PPIL4: variants seen among roughly 807,000 people sequenced by gnomAD.
The protein encoded by PPIL4 is peptidyl-prolyl cis-trans isomerase-like 4.
Under a neutral mutation model 69.1 loss-of-function variants are expected in PPIL4, and 50 were observed. The observed-to-expected ratio is 0.72, with a 90% CI of 0.58 to 0.92. The LOEUF is 0.92. PPIL4 is among the 40% of genes least tolerant of loss of function. The pLI, the probability that PPIL4 is intolerant of heterozygous loss-of-function variation, is 0.00. For synonymous variants in PPIL4, 193 were observed against 191.6 expected (o/e 1.01, Z -0.06); for missense variants, 480 against 587.9 (o/e 0.82, Z 1.90).
intron 11 of PPIL4, among the ~76,000 whole-genome samples, chr6:149,514,765 A>AGAGTGTGTGT (rs1491492608): frequency 6.7e-6 from 1 of 149,360 alleles, no homozygotes; most frequent in African/African-American, 2.5e-5. Flanking sequence ...TTTTGGTTCA[A>AGAGTGTGTGT]GTGTGTGTGT....
chr6:149,537,769 C>G (rs1777300055), intron 4 of PPIL4, among the ~76,000 whole-genome samples: 1 of 151,936 alleles, frequency 6.6e-6, no homozygotes, highest in Non-Finnish European at 1.5e-5. Flanking sequence ...AACAACAAAG[C>G]TTGGATGACA....
intron 12 of PPIL4, among the ~76,000 whole-genome samples, chr6:149,509,740 G>T (rs558311311): frequency 1.5e-4 from 23 of 152,244 alleles, no homozygotes; most frequent in African/African-American, 5.5e-4. Context: ...GTAGTTAGGA[G>T]TATGTTTCAA....
intron 8 of PPIL4, among the ~76,000 whole-genome samples, 176 bp downstream of exon 8, chr6:149,526,476 G>T (rs1207696436): frequency 6.6e-6 from 1 of 152,126 alleles, no homozygotes; most frequent in Non-Finnish European, 1.5e-5. Context: ...ACGTATGTAT[G>T]TATGTCTACA....
chr6:149,517,260 A>G, intron 11 of PPIL4, 94 bp downstream of exon 11: 1 of 709,826 alleles, frequency 1.4e-6, no homozygotes, highest in Non-Finnish European at 2.4e-6. Context: ...TTTGTCTTCT[A>G]TAGCTTTTGT....
In PPIL4 at chr6:149,504,696, TCA is replaced by T. The variant is rs1776738752; in HGVS notation, c.*755_*756del. 1 of 152,132 alleles carries T rather than the reference TCA, an allele frequency of 6.6e-6. No homozygotes were observed. Among genetic ancestry groups the T allele is most frequent in the Non-Finnish European group, 1.5e-5 (1 of 68,034 alleles). The allele number at this position is 152,132 out of a possible 1,614,324, so 9.4% of individuals were successfully genotyped here. On this transcript the variant is annotated 3_prime_UTR_variant, in exon 13 of 13. Coordinates refer to ENST00000253329, the MANE Select transcript of PPIL4 (RefSeq NM_139126.4). ...GGAGATGCTATGAAACAAAGGTAAC[TCA>T]CAGTGCCAAGAGAGGTATAAACTAG... is the stretch of plus-strand genomic sequence containing the variant.
chr6:149,515,560 G>T (rs1470629740), intron 11 of PPIL4, among the ~76,000 whole-genome samples: 2 of 151,994 alleles, frequency 1.3e-5, no homozygotes, highest in Admixed American at 6.6e-5. Context: ...TTAATGTCTG[G>T]TTTTTTTTCC....
intron 12 of PPIL4, among the ~76,000 whole-genome samples, chr6:149,511,619 A>T (rs1463134868): frequency 1.3e-5 from 2 of 152,168 alleles, no homozygotes; most frequent in Admixed American, 6.5e-5. Context: ...CACAGGCTGG[A>T]AATAATCACT....
chr6:149,505,777 C>G, intron 12 of PPIL4, 73 bp from the exon 13 acceptor site: 1 of 1,428,766 alleles, frequency 7.0e-7, no homozygotes. Flanking sequence ...ATTAATAAAA[C>G]TTAGAAAAGT....
chr6:149,541,694 A>G (rs1583213747), intron 1 of PPIL4, 108 bp from the exon 2 acceptor site: 1 of 664,320 alleles, frequency 1.5e-6, no homozygotes, highest in Non-Finnish European at 2.6e-6. Flanking sequence ...AAAGAAAAAA[A>G]AAGTCAAATG....
chr6:149,544,678 GATA>G (rs1367227443), intron 1 of PPIL4, among the ~76,000 whole-genome samples: 4 of 152,208 alleles, frequency 2.6e-5, no homozygotes, highest in South Asian at 2.1e-4. Context: ...CTGAGATTTA[GATA>G]ATAAGTAGTA....
chr6:149,514,870 CTT>C (rs1318166936), intron 11 of PPIL4, among the ~76,000 whole-genome samples: 1 of 150,516 alleles, frequency 6.6e-6, no homozygotes, highest in Non-Finnish European at 1.5e-5. Flanking sequence ...GAGTTTCACT[CTT>C]GTTGCCCAGG....
intron 11 of PPIL4, among the ~76,000 whole-genome samples, chr6:149,512,918 G>A (rs1306695607): frequency 6.6e-6 from 1 of 151,516 alleles, no homozygotes; most frequent in Non-Finnish European, 1.5e-5. Flanking sequence ...AATTTTTTGT[G>A]TCTTTAGTAG....
chr6:149,539,616 C>T (rs1777330195), intron 4 of PPIL4, among the ~76,000 whole-genome samples: 1 of 152,090 alleles, frequency 6.6e-6, no homozygotes. Context: ...CTGAGCTCAA[C>T]CCATCTGCCT....
At chr6:149,521,954 C>T (rs1777036667) in intron 9 of PPIL4, among the ~76,000 whole-genome samples, 1 of 152,124 alleles carries the variant, frequency 6.6e-6, no homozygotes, top group Non-Finnish European at 1.5e-5. Flanking sequence ...TTTTACATTC[C>T]TGGAAACTTA....
chr6:149,540,159 A>G (rs1021305571), intron 4 of PPIL4, among the ~76,000 whole-genome samples: 1 of 152,126 alleles, frequency 6.6e-6, no homozygotes, highest in African/African-American at 2.4e-5. Context: ...AAATAAAACA[A>G]AATACTTAGA....
chr6:149,521,317 C>T, intron 9 of PPIL4, 146 bp from the exon 10 acceptor site: 1 of 606,044 alleles, frequency 1.7e-6, no homozygotes, highest in Non-Finnish European at 2.9e-6. Context: ...TGCTTTGTAT[C>T]TATTACCTCA....
intron 10 of PPIL4, chr6:149,517,657 C>T (rs1776967367): frequency 2.3e-6 from 1 of 438,778 alleles, no homozygotes; most frequent in Non-Finnish European, 4.0e-6. Flanking sequence ...CATGCTGCCA[C>T]CTAACGATAT....
intron 4 of PPIL4, among the ~76,000 whole-genome samples, chr6:149,537,091 A>C (rs1421549501): frequency 6.6e-6 from 1 of 150,962 alleles, no homozygotes; most frequent in Non-Finnish European, 1.5e-5. Flanking sequence ...ATGCCACTGC[A>C]CTCCAGCCTG....
rs182171277 is a variant in PPIL4, at chr6:149,520,955, G to C, written c.982+105C>G. On this transcript the variant is annotated intron_variant, in intron 10 of 12. Coordinates refer to ENST00000253329, the MANE Select transcript of PPIL4 (RefSeq NM_139126.4). ...TTGAACCTGGGAGACACAGGTTGCA[G>C]TGAACCAAGATCGTGCCACTGCACT... The C allele has an allele frequency of 1.6e-5, 10 of 640,112 alleles. No individual in the cohort carries two copies. The African/African-American group carries it at 1.7e-4, about 11-fold the overall frequency. 39.7% of individuals were successfully genotyped at this position (640,112 alleles called of 1,614,324 possible). A position where few individuals can be genotyped will look rare whatever the true frequency, so the allele number is the denominator to read the frequency against.
Sources: allele counts gnomAD v4.1 joint callset (sites outside exome capture counted in the v4.1 genomes callset), GRCh38; gene constraint gnomAD v4.1.1; transcripts MANE v1.5; gene names NCBI Gene and HGNC (gene_info 2026-07-23, HGNC 2026-07-21).